Variants in NBPF3 observed in about 807,000 individuals in gnomAD.
NBPF3 encodes the protein NBPF member 3.
In NBPF3, 57 loss-of-function variants were observed where a neutral mutation model predicts 78.1. The ratio of observed to expected loss-of-function variants is 0.73; its 90% CI spans 0.59 to 0.91. NBPF3 has a LOEUF of 0.91. NBPF3 is among the 40% of genes least tolerant of loss of function. The pLI is 0.00. For synonymous variants in NBPF3, 182 were observed against 271.7 expected (o/e 0.67, Z 3.25); for missense variants, 510 against 715.3 (o/e 0.71, Z 3.27).
chr1:21,454,981 G>A (rs1472194300), intron 2 of NBPF3, among the ~76,000 whole-genome samples: 3 of 152,172 alleles, frequency 2.0e-5, no homozygotes, highest in Admixed American at 6.5e-5. Context: ...GTTTCCTCAG[G>A]TTGTCAGCTG....
chr1:21,472,657 G>T (rs1277228214), intron 5 of NBPF3, among the ~76,000 whole-genome samples, 186 bp from the exon 6 acceptor site: 1 of 152,204 alleles, frequency 6.6e-6, no homozygotes, highest in Admixed American at 6.5e-5. Flanking sequence ...TGGCCCTCCA[G>T]ATCAGAAATG....
chr1:21,445,076 C>T lies in NBPF3; in HGVS notation c.-11C>T. ...CTTCAGTGCTGTGTGCTCTTGGCCTCCACACTGGGGATGCCACTGACTCCC... is the reference window on the plus strand; with the variant it reads ...CTTCAGTGCTGTGTGCTCTTGGCCTTCACACTGGGGATGCCACTGACTCCC... On this transcript the variant is annotated 5_prime_UTR_variant, in exon 2 of 15. Transcript: ENST00000318249. 6.2e-7 allele frequency: 1 copy of T among 1,609,860 alleles called. No individual in the cohort carries two copies. Among genetic ancestry groups the T allele is most frequent in the Non-Finnish European group, 8.5e-7 (1 of 1,178,498 alleles).
At position 21,478,435 on chromosome 1, in the gene NBPF3, T is replaced by C. The variant is rs1643002088; in HGVS notation, c.1156+128T>C. The C allele has an allele frequency of 4.6e-6, 5 of 1,095,316 alleles. No homozygotes were observed. The South Asian group carries it at 6.2e-5, about 14-fold the overall frequency. The allele number at this position is 1,095,316 out of a possible 1,614,324, so 67.8% of individuals were successfully genotyped here. Reference sequence around the variant, plus strand: ...ACTGTGGGTGGAACCTATATATCAATGTAGATTTCAATCACTCTGGAATCG... The same window carrying C: ...ACTGTGGGTGGAACCTATATATCAACGTAGATTTCAATCACTCTGGAATCG... On this transcript the variant is annotated intron_variant, in intron 9 of 14. Coordinates refer to ENST00000318249, the MANE Select transcript of NBPF3 (RefSeq NM_032264.6).
intron 1 of NBPF3, among the ~76,000 whole-genome samples, chr1:21,442,075 T>C (rs1640684420): frequency 6.6e-6 from 1 of 152,254 alleles, no homozygotes; most frequent in South Asian, 2.1e-4. Flanking sequence ...TTCATTGATA[T>C]GCTTGTTTTC....
intron 2 of NBPF3, among the ~76,000 whole-genome samples, chr1:21,459,145 A>G (rs1406876361): frequency 1.3e-5 from 2 of 152,252 alleles, no homozygotes; most frequent in Non-Finnish European, 2.9e-5. Flanking sequence ...CAATTTTGTT[A>G]GCATATTACC....
At chr1:21,463,644 G>A (rs1642081050) in intron 2 of NBPF3, among the ~76,000 whole-genome samples, 1 of 152,160 alleles carries the variant, frequency 6.6e-6, no homozygotes, top group South Asian at 2.1e-4. Context: ...TGCTTCAAAG[G>A]ACACTGTCAA....
At chr1:21,469,448 C>T (rs1570050452) in intron 3 of NBPF3, among the ~76,000 whole-genome samples, 1 of 152,222 alleles carries the variant, frequency 6.6e-6, no homozygotes, top group East Asian at 1.9e-4. Context: ...GAGTAGGGGC[C>T]GTGCACGGTG....
At chr1:21,448,923 C>T (rs576245472) in intron 2 of NBPF3, among the ~76,000 whole-genome samples, 31 of 152,290 alleles carry the variant, frequency 2.0e-4, no homozygotes, top group Non-Finnish European at 4.1e-4. Flanking sequence ...TGATGACTGC[C>T]TAGCTCTTTC....
At chr1:21,451,178 A>C (rs1473151730) in intron 2 of NBPF3, among the ~76,000 whole-genome samples, 1 of 152,180 alleles carries the variant, frequency 6.6e-6, no homozygotes, top group Non-Finnish European at 1.5e-5. Context: ...TTGTTCCTTT[A>C]GCCATTCCAT....
chr1:21,446,343 G>A (rs562347477), intron 2 of NBPF3: 6 of 152,338 alleles, frequency 3.9e-5, no homozygotes, highest in African/African-American at 7.2e-5. Context: ...TGGTTTTACA[G>A]TAGCGCATCT....
chr1:21,447,425 C>T (rs1641052610), intron 2 of NBPF3, among the ~76,000 whole-genome samples: 1 of 152,332 alleles, frequency 6.6e-6, no homozygotes, highest in African/African-American at 2.4e-5. Context: ...GCGTCCTCCT[C>T]TCCTCCACCC....
At chr1:21,440,449 G>T (rs1290876051) in intron 1 of NBPF3, 101 bp downstream of exon 1, 2 of 151,906 alleles carry the variant, frequency 1.3e-5, no homozygotes, top group Admixed American at 1.3e-4. Flanking sequence ...GCGCGAGCGC[G>T]GGGGCGGGTG....
chr1:21,457,463 A>G (rs1038909456), intron 2 of NBPF3, among the ~76,000 whole-genome samples: 1 of 151,886 alleles, frequency 6.6e-6, no homozygotes, highest in African/African-American at 2.4e-5. Flanking sequence ...ACAATGAAAC[A>G]ATTTCTCAAA....
chr1:21,469,325 G>A (rs1642458924), intron 3 of NBPF3, among the ~76,000 whole-genome samples: 1 of 152,128 alleles, frequency 6.6e-6, no homozygotes, highest in Non-Finnish European at 1.5e-5. Flanking sequence ...TCTGTTCTGG[G>A]GACCCTGAGG....
intron 3 of NBPF3, among the ~76,000 whole-genome samples, chr1:21,469,498 G>C (rs530424885): frequency 6.6e-6 from 1 of 152,204 alleles, no homozygotes; most frequent in South Asian, 2.1e-4. Flanking sequence ...AGGCTGAGGC[G>C]GGTAGAGCAC....
chr1:21,457,275 G>T (rs1270669157), intron 2 of NBPF3, among the ~76,000 whole-genome samples: 1 of 150,734 alleles, frequency 6.6e-6, no homozygotes, highest in Non-Finnish European at 1.5e-5. Flanking sequence ...AACATTAAGA[G>T]AACATAAAAA....
intron 2 of NBPF3, chr1:21,453,694 C>CAG (rs1641439257): frequency 6.6e-6 from 1 of 152,202 alleles, no homozygotes; most frequent in African/African-American, 2.4e-5. Flanking sequence ...GATGGGAAAT[C>CAG]TACTAAGAAA....
Position 21,476,171 on chromosome 1 carries a change from C to T in NBPF3, c.992+1220C>T, listed in dbSNP as rs1309792222. 6.6e-6 allele frequency among the ~76,000 whole-genome samples: 1 copy of T among 152,150 alleles called. No individual in the cohort carries two copies. The highest frequency in any genetic ancestry group is 2.4e-5 in the African/African-American group (1 of 41,420). On this transcript the variant is annotated intron_variant, in intron 8 of 14. Transcript: ENST00000318249. This position sits in a 1 kb window ranked among gnomAD's most constrained non-coding sequence, Gnocchi z 4.1. ...TATTTTGAGCCTATGTGTGTCTCTG[C>T]ACGTGAGATGGGTCTCCTGCGTACA...
intron 10 of NBPF3, 65 bp from the exon 11 acceptor site, chr1:21,479,986 T>A: frequency 1.2e-6 from 1 of 834,424 alleles, no homozygotes; most frequent in Non-Finnish European, 2.1e-6. Context: ...ACCCATGAAA[T>A]CTAGCTGGGG....
Sources: gnomAD v4.1 joint callset for allele counts (sites outside exome capture counted in the v4.1 genomes callset) on GRCh38, gnomAD v4.1.1 for gene constraint, Gnocchi (gnomAD v3.1) non-coding constraint, MANE v1.5 for transcripts, NCBI Gene and HGNC (gene_info 2026-07-23, HGNC 2026-07-21) for gene names.